Variants in MYOM2 observed in about 807,000 individuals in gnomAD.
MYOM2 encodes myomesin-2.
A neutral mutation model predicts 187.6 loss-of-function variants in MYOM2; 254 were observed. The observed-to-expected ratio is 1.35, with a 90% CI of 1.22 to 1.50. The LOEUF (loss-of-function observed/expected upper bound fraction) is 1.50. MYOM2 is among the 40% of genes most tolerant of loss of function. The pLI, the probability that MYOM2 is intolerant of heterozygous loss-of-function variation, is 0.00. For missense variants in MYOM2, 2,796 were observed against 1,924.0 expected (o/e 1.45, Z -8.48); for synonymous variants, 981 against 753.8 (o/e 1.30, Z -4.94).
At chr8:2,096,542 A>C in intron 18 of MYOM2, 108 bp downstream of exon 18, 1 of 1,016,162 alleles carries the variant, frequency 9.8e-7, no homozygotes, top group Non-Finnish European at 1.4e-6. Flanking sequence ...AGACACAAAA[A>C]TGGATTAAAA....
chr8:2,053,735 G>A (rs193269457), intron 3 of MYOM2, among the ~76,000 whole-genome samples: 132 of 152,316 alleles, frequency 8.7e-4, no homozygotes, highest in Middle Eastern at 3.4e-3. Context: ...CACGTTAAAT[G>A]CCAGTCTGTC....
At chr8:2,065,438 T>TG (rs1408413991) in intron 6 of MYOM2, among the ~76,000 whole-genome samples, 1 of 152,004 alleles carries the variant, frequency 6.6e-6, no homozygotes, top group African/African-American at 2.4e-5. Flanking sequence ...GGTGTGGTGG[T>TG]GCGCACCTGT....
At chr8:2,052,129 A>G (rs1818510771) in intron 2 of MYOM2, 29 bp from the exon 3 acceptor site, 6 of 1,611,512 alleles carry the variant, frequency 3.7e-6, no homozygotes, top group South Asian at 1.1e-5. Context: ...CTGAGCATGC[A>G]TCTCCTAATC....
intron 32 of MYOM2, among the ~76,000 whole-genome samples, chr8:2,136,995 C>T (rs1259505686): frequency 6.6e-6 from 1 of 152,086 alleles, no homozygotes; most frequent in East Asian, 1.9e-4. Context: ...CTTCATGGCT[C>T]TAAGTCTAAA....
At chr8:2,100,375 G>T (rs1286130250) in intron 19 of MYOM2, 1 of 154,866 alleles carries the variant, frequency 6.5e-6, no homozygotes, top group Non-Finnish European at 1.4e-5. Context: ...GATGGGGCGG[G>T]GCTGCCTCTC....
intron 31 of MYOM2, among the ~76,000 whole-genome samples, chr8:2,128,125 C>G (rs1044690357): frequency 6.6e-6 from 1 of 152,076 alleles, no homozygotes; most frequent in African/African-American, 2.4e-5. Flanking sequence ...ATGGTTTAAG[C>G]TCTTTTCTAT....
At chr8:2,115,860 C>T (rs888465012) in intron 25 of MYOM2, 100 bp from the exon 26 acceptor site, 1 of 1,323,588 alleles carries the variant, frequency 7.6e-7, no homozygotes, top group African/African-American at 1.5e-5. Flanking sequence ...CTATCATAAT[C>T]CCTTGAGATC....
At chr8:2,129,308 C>T (rs1585959545) in intron 32 of MYOM2, 76 bp downstream of exon 32, 5 of 907,784 alleles carry the variant, frequency 5.5e-6, no homozygotes, top group East Asian at 4.9e-5. Flanking sequence ...ACCAGGCGCT[C>T]CCTGGGGAAC....
In MYOM2 at chr8:2,057,679, T is replaced by A. The variant is rs1818716305; in HGVS notation, c.459T>A (p.Ala153=). The A allele has an allele frequency of 6.2e-7, 1 of 1,613,918 alleles. No homozygotes were observed. Among genetic ancestry groups the A allele is most frequent in the South Asian group, 1.1e-5 (1 of 91,070 alleles). Residue 153 remains alanine (A), a synonymous_variant, in exon 5 of 37, where the codon GCT becomes GCA. Transcript: ENST00000262113. ...CATTTGAAGAGCGGATAAGCAGGGC[T>A]CCTGAGATCCTGGTGCGGCTGCGAT... ...RHTFEERISR[A]PEILVRLRSH... is the part of the protein sequence containing the mutation.
At chr8:2,105,850 G>A (rs1435152205) in intron 21 of MYOM2, among the ~76,000 whole-genome samples, 3 of 152,250 alleles carry the variant, frequency 2.0e-5, no homozygotes, top group African/African-American at 7.2e-5. Flanking sequence ...TTCTCACGCT[G>A]GTATGAAGAA....
chr8:2,135,337 G>A (rs1334657596), intron 32 of MYOM2, among the ~76,000 whole-genome samples: 2 of 152,112 alleles, frequency 1.3e-5, no homozygotes, highest in African/African-American at 4.8e-5. Flanking sequence ...TGGGTGGTAA[G>A]CAATTCATTT....
chr8:2,115,746 C>G (rs563407489), intron 25 of MYOM2, among the ~76,000 whole-genome samples: 1 of 152,302 alleles, frequency 6.6e-6, no homozygotes, highest in Middle Eastern at 3.4e-3. Flanking sequence ...ACTCTCAGAT[C>G]TCCTCACACA....
chr8:2,076,377 G>A (rs1819422433), intron 11 of MYOM2, 95 bp downstream of exon 11: 6 of 1,466,060 alleles, frequency 4.1e-6, no homozygotes, highest in Non-Finnish European at 4.6e-6. Flanking sequence ...GCAGGTTGAC[G>A]TTCCCATTTT....
At chr8:2,086,274 TGGCACCCCAC>T in intron 14 of MYOM2, among the ~76,000 whole-genome samples, 1 of 114,348 alleles carries the variant, frequency 8.7e-6, no homozygotes, top group Non-Finnish European at 2.0e-5. Flanking sequence ...TCATGATCTC[TGGCACCCCAC>T]TGTCGTGATC....
At chr8:2,099,513 C>T (rs1563054488) in intron 19 of MYOM2, among the ~76,000 whole-genome samples, 1 of 152,040 alleles carries the variant, frequency 6.6e-6, no homozygotes, top group African/African-American at 2.4e-5. Context: ...CCTCTCAGGC[C>T]ATCTGGGGAT....
chr8:2,119,774 C>T (rs1040855825), intron 28 of MYOM2, among the ~76,000 whole-genome samples: 11 of 151,888 alleles, frequency 7.2e-5, no homozygotes, highest in African/African-American at 2.4e-4. Flanking sequence ...CACATGGGGA[C>T]ACAGGAGGGG....
intron 21 of MYOM2, among the ~76,000 whole-genome samples, chr8:2,105,017 A>C (rs545896304): frequency 6.6e-6 from 1 of 152,244 alleles, no homozygotes; most frequent in South Asian, 2.1e-4. Context: ...AGCTCAAGCG[A>C]TCCTCTGGCC....
chr8:2,112,053 C>T (rs1019545004), intron 25 of MYOM2, among the ~76,000 whole-genome samples: 29 of 152,264 alleles, frequency 1.9e-4, no homozygotes, highest in African/African-American at 6.5e-4. Flanking sequence ...GCAGCATCCC[C>T]GGGAGCTGTT....
At position 2,136,515 on chromosome 8, in the gene MYOM2, G is replaced by A. The variant is rs142127275; in HGVS notation, c.3801-4208G>A. Among the ~76,000 whole-genome samples the A allele has an allele frequency of 2.2e-4, 33 of 152,332 alleles. No homozygotes were observed. In the East Asian group the frequency reaches 5.0e-3, roughly 23 times the overall value. On this transcript the variant is annotated intron_variant, in intron 32 of 36. Transcript: ENST00000262113. ...TGTTCTTCCCCCAGATTGTGTGGCT[G>A]TTGTAAAGAATCTCTCGCTGAAGTA...
Sources: gnomAD v4.1 joint callset for allele counts (sites outside exome capture counted in the v4.1 genomes callset) on GRCh38, gnomAD v4.1.1 for gene constraint, MANE v1.5 for transcripts, NCBI Gene and HGNC (gene_info 2026-07-23, HGNC 2026-07-21) for gene names.